Variants in TEAD4 observed in about 807,000 individuals in gnomAD.
TEAD4 encodes the protein transcriptional enhancer factor TEF-3.
In TEAD4, 36 loss-of-function variants were observed where a neutral mutation model predicts 52.4. The observed-to-expected ratio is 0.69, with a 90% CI of 0.53 to 0.91. The LOEUF is 0.91. Ranked by LOEUF, TEAD4 falls within the 40% of genes least tolerant of loss-of-function variation. The pLI is 0.00. For missense variants in TEAD4, 508 were observed against 583.9 expected, an observed-to-expected ratio of 0.87 and a Z score of 1.34; for synonymous variants, 220 against 231.0, an observed-to-expected ratio of 0.95 and a Z score of 0.43.
Position 3,018,603 on chromosome 12 carries a change from T to C in TEAD4, c.527+15T>C, listed in dbSNP as rs1175178853. 6.2e-7 allele frequency: 1 copy of C among 1,614,058 alleles called. No homozygotes were observed. Among genetic ancestry groups the C allele is most frequent in the Non-Finnish European group, 8.5e-7 (1 of 1,179,936 alleles). On this transcript the variant is annotated intron_variant, in intron 7 of 12. Coordinates refer to ENST00000359864, the MANE Select transcript of TEAD4 (RefSeq NM_003213.4). ...ACGTCCCATGAGTGAGTATGGCCTC[T>C]GGTTTCTCTTGCCAGTTGCTCCCTG...
chr12:3,021,225 C>T (rs548244290), intron 9 of TEAD4, among the ~76,000 whole-genome samples: 1 of 152,134 alleles, frequency 6.6e-6, no homozygotes, highest in Non-Finnish European at 1.5e-5. Flanking sequence ...ACCAGCGTCA[C>T]CTGCAAAGGT....
chr12:2,994,268 G>T lies in TEAD4; in HGVS notation c.-29-470G>T, dbSNP rs2098245405. On this transcript the variant is annotated intron_variant, in intron 2 of 12. Transcript: ENST00000359864. The surrounding 1 kb of genome is among the most constrained non-coding windows in gnomAD (Gnocchi z 4.7). ...TTTTTGTATTTTTAGTAGAAACGGG[G>T]TTTCACCATGTTGGCCAGGCTGGTC... Among the ~76,000 whole-genome samples, 1 of 152,234 alleles carries T rather than the reference G, an allele frequency of 6.6e-6. No homozygotes were observed. Among genetic ancestry groups the T allele is most frequent in the East Asian group, 1.9e-4 (1 of 5,160 alleles).
intron 8 of TEAD4, among the ~76,000 whole-genome samples, chr12:3,020,143 G>A (rs926081399): frequency 6.6e-6 from 1 of 152,170 alleles, no homozygotes; most frequent in Admixed American, 6.5e-5. Flanking sequence ...TGTTAGCAAC[G>A]CTGGATTGAG....
At chr12:2,981,791 A>G (rs868709004) in intron 2 of TEAD4, among the ~76,000 whole-genome samples, 1 of 152,158 alleles carries the variant, frequency 6.6e-6, no homozygotes, top group African/African-American at 2.4e-5. Context: ...GCTGGAGGGT[A>G]GTGGGGATGC....
intron 2 of TEAD4, among the ~76,000 whole-genome samples, chr12:2,979,816 C>T (rs144006410): frequency 2.2e-4 from 34 of 152,286 alleles, no homozygotes; most frequent in African/African-American, 7.5e-4. Flanking sequence ...TTTTAACCCA[C>T]GAACTTTGAG....
At chr12:2,992,166 C>A (rs1270604191) in intron 2 of TEAD4, among the ~76,000 whole-genome samples, 3 of 151,852 alleles carry the variant, frequency 2.0e-5, no homozygotes, top group Non-Finnish European at 2.9e-5. Flanking sequence ...TTACAGGCAC[C>A]CGCCACCATG....
At chr12:2,980,723 ACT>A (rs1184913046) in intron 2 of TEAD4, among the ~76,000 whole-genome samples, 1 of 148,736 alleles carries the variant, frequency 6.7e-6, no homozygotes, top group African/African-American at 2.5e-5. Context: ...ACAGAGCAAG[ACT>A]CTGTCTCAAT....
At chr12:2,967,447 A>G (rs2153952423) in intron 2 of TEAD4, among the ~76,000 whole-genome samples, 1 of 152,320 alleles carries the variant, frequency 6.6e-6, no homozygotes, top group African/African-American at 2.4e-5. Context: ...TGACTTTAAA[A>G]CATTGTTTTT....
At chr12:3,025,334 A>G (rs367585663) in intron 10 of TEAD4, among the ~76,000 whole-genome samples, 2 of 152,104 alleles carry the variant, frequency 1.3e-5, no homozygotes, top group African/African-American at 2.4e-5. Context: ...TTCTCTCTTT[A>G]TTGGTATAAC....
intron 2 of TEAD4, among the ~76,000 whole-genome samples, chr12:2,980,457 A>G (rs555472788): frequency 6.6e-5 from 10 of 152,178 alleles, no homozygotes; most frequent in African/African-American, 2.2e-4. Context: ...AATAGGCTGG[A>G]TGTGGTGGCT....
intron 2 of TEAD4, among the ~76,000 whole-genome samples, chr12:2,970,179 T>A (rs889736369): frequency 3.3e-5 from 5 of 152,224 alleles, no homozygotes; most frequent in Middle Eastern, 3.2e-3. Flanking sequence ...AATGAGATAG[T>A]TTACCTTCTT....
chr12:3,013,417 C>T (rs1406657932), intron 5 of TEAD4, among the ~76,000 whole-genome samples: 3 of 152,098 alleles, frequency 2.0e-5, no homozygotes, highest in African/African-American at 7.2e-5. Context: ...GGAACTTGAA[C>T]TCTAGGGGAC....
intron 3 of TEAD4, among the ~76,000 whole-genome samples, chr12:3,003,383 A>T (rs1400060045): frequency 2.0e-5 from 3 of 152,134 alleles, no homozygotes; most frequent in Non-Finnish European, 4.4e-5. Context: ...TTTATGGTCT[A>T]GGGGGTGGGC....
chr12:3,001,776 CA>C lies in TEAD4; in HGVS notation c.226+6798del, dbSNP rs201617310. Among the ~76,000 whole-genome samples the C allele has an allele frequency of 5.1e-3, 658 of 128,464 alleles. 6 individuals are homozygous for C. Among genetic ancestry groups the C allele is most frequent in the East Asian group, 0.017 (72 of 4,360 alleles). 84.3% of individuals were successfully genotyped at this position (128,464 alleles called of 152,430 possible). ...TGGGCAACAAAGCGAGACTCTGTCT[CA>C]AAAAAAAAAAAAAGTGGAATCAGGC... On this transcript the variant is annotated intron_variant, in intron 3 of 12. Coordinates refer to ENST00000359864, the MANE Select transcript of TEAD4 (RefSeq NM_003213.4).
chr12:3,005,062 A>G (rs189303891), intron 3 of TEAD4, among the ~76,000 whole-genome samples: 2 of 152,224 alleles, frequency 1.3e-5, no homozygotes, highest in African/African-American at 4.8e-5. Context: ...GAAAAGCACA[A>G]CTTTAACAAA....
chr12:3,006,474 A>G (rs2098255993), intron 3 of TEAD4, among the ~76,000 whole-genome samples: 1 of 152,164 alleles, frequency 6.6e-6, no homozygotes, highest in Non-Finnish European at 1.5e-5. Context: ...TGGGCAGATC[A>G]CCTGAGGTTG....
intron 2 of TEAD4, chr12:2,960,440 G>C (rs1260578518): frequency 1.2e-6 from 1 of 867,656 alleles, no homozygotes; most frequent in African/African-American, 1.8e-5. Context: ...GGCTTGGGAA[G>C]CTGCTGTGTT....
chr12:2,989,669 G>C (rs368519154), intron 2 of TEAD4, among the ~76,000 whole-genome samples: 161 of 152,112 alleles, frequency 1.1e-3, no homozygotes, highest in African/African-American at 3.7e-3. Context: ...CAAACTCCTG[G>C]CCTCAAGCCA....
chr12:2,966,867 T>C (rs557431023), intron 2 of TEAD4, among the ~76,000 whole-genome samples: 39 of 152,086 alleles, frequency 2.6e-4, no homozygotes, highest in Admixed American at 1.2e-3. Flanking sequence ...CCACCACGCC[T>C]GGCTAATTTT....
Sources: gnomAD v4.1 joint callset for allele counts (sites outside exome capture counted in the v4.1 genomes callset) on GRCh38, gnomAD v4.1.1 for gene constraint, Gnocchi (gnomAD v3.1) non-coding constraint, MANE v1.5 for transcripts, NCBI Gene and HGNC (gene_info 2026-07-23, HGNC 2026-07-21) for gene names.